The following COX20 variants were observed in gnomAD, a reference collection of about 807,000 sequenced individuals.
COX20 encodes cytochrome c oxidase assembly factor COX20.
Under a neutral mutation model 14.3 loss-of-function variants are expected in COX20, and 14 were observed. The ratio of observed to expected loss-of-function variants is 0.98; its 90% CI spans 0.65 to 1.53. The LOEUF is 1.53. Among genes scored for constraint, COX20 ranks in the 40% most tolerant of loss-of-function variants. COX20 has a pLI of 0.00. For missense variants in COX20, 149 were observed against 142.1 expected, an observed-to-expected ratio of 1.05 and a Z score of -0.25; for synonymous variants, 56 against 51.7, an observed-to-expected ratio of 1.08 and a Z score of -0.36.
upstream of COX20, chr1:244,835,389 T>C (rs1421306603): frequency 3.4e-6 from 1 of 295,576 alleles, no homozygotes; most frequent in Non-Finnish European, 6.2e-6. Flanking sequence ...CGGGGCTGTC[T>C]GGCTCGGTTA....
intron 1 of COX20, 70 bp downstream of exon 1, chr1:244,835,826 T>C (rs1050111279): frequency 8.8e-7 from 1 of 1,132,342 alleles, no homozygotes; most frequent in African/African-American, 1.6e-5. Flanking sequence ...GCGGAGCTCC[T>C]AGGCCCGGAG....
intron 1 of COX20, among the ~76,000 whole-genome samples, chr1:244,839,028 G>T (rs1236737345): frequency 6.6e-6 from 1 of 152,190 alleles, no homozygotes; most frequent in Admixed American, 6.5e-5. Flanking sequence ...GACCTCAAGT[G>T]ATCCACCCAC....
At chr1:244,842,535 C>A in intron 3 of COX20, 2 of 390,798 alleles carry the variant, frequency 5.1e-6, no homozygotes, top group Non-Finnish European at 9.2e-6. Flanking sequence ...CCTGCTTATT[C>A]ATATCTGAAA....
chr1:244,840,886 C>T (rs546366844), intron 1 of COX20: 1 of 152,272 alleles, frequency 6.6e-6, no homozygotes, highest in African/African-American at 2.4e-5. Flanking sequence ...TGTCCTGCCC[C>T]AAACAATACT....
chr1:244,836,452 A>G (rs1430952664), intron 1 of COX20: 1 of 1,547,470 alleles, frequency 6.5e-7, no homozygotes, highest in Admixed American at 2.0e-5. Flanking sequence ...TGTTTCACCA[A>G]AGCTGACTTA....
At chr1:244,837,669 G>C (rs1278544021) in intron 1 of COX20, among the ~76,000 whole-genome samples, 2 of 152,188 alleles carry the variant, frequency 1.3e-5, no homozygotes, top group African/African-American at 4.8e-5. Flanking sequence ...GATCAAGACA[G>C]GAAAAATCCC....
At chr1:244,841,914 C>T (rs1188679305) in intron 1 of COX20, 30 bp from the exon 2 acceptor site, 1 of 1,346,534 alleles carries the variant, frequency 7.4e-7, no homozygotes, top group Non-Finnish European at 1.0e-6. Context: ...TACTTTCTTA[C>T]TCAATCTAGG....
At chr1:244,841,749 T>A (rs1285038089) in intron 1 of COX20, 195 bp from the exon 2 acceptor site, 7 of 516,458 alleles carry the variant, frequency 1.4e-5, no homozygotes, top group Non-Finnish European at 2.4e-5. Context: ...TTTGTAAGGT[T>A]TTCGGATTTA....
chr1:244,842,918 A>G (rs1680264649), intron 3 of COX20, 123 bp from the exon 4 acceptor site: 6 of 708,476 alleles, frequency 8.5e-6, no homozygotes, highest in Admixed American at 3.8e-5. Flanking sequence ...AAATTAGAAC[A>G]TATTTTTCAG....
At position 244,836,498 on chromosome 1, in the gene COX20, C is replaced by T. The variant is rs1193642901; in HGVS notation, c.42+742C>T. Reference sequence around the variant, plus strand: ...CCATCTTCCCAGGCATCTTGTACGTCGTTACATTTATCATATTGGAAGGTA... The same window carrying T: ...CCATCTTCCCAGGCATCTTGTACGTTGTTACATTTATCATATTGGAAGGTA... On this transcript the variant is annotated intron_variant, in intron 1 of 3. Transcript: ENST00000411948. 5 of 1,550,392 alleles carry T rather than the reference C, an allele frequency of 3.2e-6. No homozygotes were observed. In the African/African-American group the frequency reaches 5.5e-5, roughly 17 times the overall value.
chr1:244,837,106 TAAAAAA>T (rs776082805), intron 1 of COX20, among the ~76,000 whole-genome samples: 1 of 144,742 alleles, frequency 6.9e-6, no homozygotes, highest in Non-Finnish European at 1.5e-5. Flanking sequence ...CATTGGAAAT[TAAAAAA>T]AAAAAACTTA....
intron 2 of COX20, 37 bp from the exon 3 acceptor site, chr1:244,842,158 A>C (rs1680231709): frequency 1.3e-6 from 2 of 1,486,388 alleles, no homozygotes; most frequent in South Asian, 2.3e-5. Flanking sequence ...ATATAACGTA[A>C]TTATATTCTA....
At chr1:244,843,002 C>G (rs1680268511) in intron 3 of COX20, 39 bp from the exon 4 acceptor site, 1 of 1,410,966 alleles carries the variant, frequency 7.1e-7, no homozygotes, top group South Asian at 1.3e-5. Context: ...TTCTGTAGGA[C>G]TTTATATTAA....
chr1:244,840,396 CTAGTT>C (rs1680152760), intron 1 of COX20: 1 of 152,226 alleles, frequency 6.6e-6, no homozygotes, highest in African/African-American at 2.4e-5. Flanking sequence ...GGGAAATAGT[CTAGTT>C]TAGAGGTAGT....
At chr1:244,835,619 G>A (rs1249355160), upstream of COX20, 2 of 975,884 alleles carry the variant, frequency 2.0e-6, no homozygotes, top group East Asian at 6.6e-5. Context: ...GGAGGCGGCG[G>A]CGCGTGGGGG....
upstream of COX20, chr1:244,835,485 C>T (rs1304905090): frequency 2.6e-6 from 1 of 385,620 alleles, no homozygotes; most frequent in Non-Finnish European, 4.6e-6. Context: ...GGCTGTGTGC[C>T]GAGCTTGGAA....
At position 244,843,190 on chromosome 1, in the gene COX20, T is replaced by G; in HGVS notation, c.*14T>G. The G allele has an allele frequency of 1.3e-6, 2 of 1,562,290 alleles. No individual in the cohort carries two copies. Among genetic ancestry groups the G allele is most frequent in the Non-Finnish European group, 1.7e-6 (2 of 1,159,730 alleles). On this transcript the variant is annotated 3_prime_UTR_variant, in exon 4 of 4. Coordinates refer to ENST00000411948, the MANE Select transcript of COX20 (RefSeq NM_198076.6). ...AGCAGCAATTGAACAATCTTGAGCA[T>G]AGAAGTCAATGTAAACGAAGTTAAG...
Position 244,844,192 on chromosome 1 carries a change from C to T in COX20, c.*1016C>T, listed in dbSNP as rs1680332885. ...AAATATTAGTTATTTTGATCTACAT[C>T]TTTTTCTAAAGAAAAGTGGAGCTTG... On this transcript the variant is annotated 3_prime_UTR_variant, in exon 4 of 4. Coordinates refer to ENST00000411948, the MANE Select transcript of COX20 (RefSeq NM_198076.6). 6.6e-6 allele frequency: 1 copy of T among 152,188 alleles called. No homozygotes were observed. The highest frequency in any genetic ancestry group is 2.4e-5 in the African/African-American group (1 of 41,444). The allele number at this position is 152,188 out of a possible 1,614,324, so 9.4% of individuals were successfully genotyped here.
intron 3 of COX20, chr1:244,842,742 G>A (rs375802187): frequency 3.2e-5 from 8 of 252,238 alleles, no homozygotes; most frequent in East Asian, 1.0e-4. Context: ...CGTTAAAAAC[G>A]AGAGCAAATA....
Sources: gnomAD v4.1 joint callset for allele counts (sites outside exome capture counted in the v4.1 genomes callset) on GRCh38, gnomAD v4.1.1 for gene constraint, MANE v1.5 for transcripts, NCBI Gene and HGNC (gene_info 2026-07-23, HGNC 2026-07-21) for gene names.